The following ALG14 variants were observed in gnomAD, a reference collection of about 807,000 sequenced individuals.
ALG14 encodes the protein UDP-N-acetylglucosamine transferase subunit ALG14.
In ALG14, 17 loss-of-function variants were observed where a neutral mutation model predicts 22.8. The ratio of observed to expected loss-of-function variants is 0.75; its 90% CI spans 0.51 to 1.12. The LOEUF (loss-of-function observed/expected upper bound fraction) is 1.12, where lower values mean the gene tolerates loss of function less well. Among genes scored for constraint, ALG14 ranks in the 50% most tolerant of loss-of-function variants. The pLI is 0.00. For synonymous variants in ALG14, 89 were observed against 103.7 expected, an observed-to-expected ratio of 0.86 and a Z score of 0.86; for missense variants, 288 against 271.8, an observed-to-expected ratio of 1.06 and a Z score of -0.42.
intron 2 of ALG14, among the ~76,000 whole-genome samples, chr1:95,045,886 GA>G (rs1674533724): frequency 1.6e-5 from 1 of 64,232 alleles, no homozygotes; most frequent in Non-Finnish European, 4.4e-5. Context: ...CATAGTAATA[GA>G]ATTAATATAC....
intron 3 of ALG14, among the ~76,000 whole-genome samples, chr1:95,019,381 C>T (rs1157283023): frequency 6.6e-6 from 1 of 152,170 alleles, no homozygotes; most frequent in African/African-American, 2.4e-5. Flanking sequence ...GCTCTCTAAC[C>T]TGTTTCTGAT....
At chr1:95,059,711 G>A (rs564449854) in intron 2 of ALG14, among the ~76,000 whole-genome samples, 5 of 152,000 alleles carry the variant, frequency 3.3e-5, no homozygotes, top group Non-Finnish European at 7.4e-5. Context: ...TATTCTATAT[G>A]ATCCAAAATG....
At chr1:94,988,667 C>T (rs1465880029) in intron 3 of ALG14, among the ~76,000 whole-genome samples, 3 of 152,074 alleles carry the variant, frequency 2.0e-5, no homozygotes, top group Non-Finnish European at 2.9e-5. Flanking sequence ...AGGAAATGAC[C>T]ACATAGAAAA....
chr1:94,982,706 A>AC lies in ALG14; in HGVS notation c.*369_*370insG, dbSNP rs1472460760. ...ACAATGCAGAATACTTTACAAAAAA[A>AC]AAAAAAAAAAAAAAAAGCTGTAGGA... On this transcript the variant is annotated 3_prime_UTR_variant, in exon 4 of 4. Coordinates refer to ENST00000370205, the MANE Select transcript of ALG14 (RefSeq NM_144988.4). 1 of 155,322 alleles carries AC rather than the reference A, an allele frequency of 6.4e-6. No homozygotes were observed. The highest frequency in any genetic ancestry group is 1.9e-4 in the East Asian group (1 of 5,344). The allele number at this position is 155,322 out of a possible 1,614,324, so 9.6% of individuals were successfully genotyped here.
In ALG14 at chr1:95,025,474, G is replaced by C. The variant is rs117110738; in HGVS notation, c.420+1655C>G. Among the ~76,000 whole-genome samples the C allele has an allele frequency of 2.2e-3, 330 of 152,312 alleles. 3 individuals carry two copies. In the East Asian group the frequency reaches 0.041, roughly 19 times the overall value. On this transcript the variant is annotated intron_variant, in intron 3 of 3. Coordinates refer to ENST00000370205, the MANE Select transcript of ALG14 (RefSeq NM_144988.4). ...TCAACTTAAAGTCAACAGCTACACA[G>C]AATCAGCCTGTCCCTTGAAGCTTTG...
At chr1:95,068,200 G>GA (rs1170967549) in intron 1 of ALG14, among the ~76,000 whole-genome samples, 1 of 152,182 alleles carries the variant, frequency 6.6e-6, no homozygotes, top group Non-Finnish European at 1.5e-5. Flanking sequence ...ATGAAAGAAT[G>GA]AATGTTTGAT....
chr1:94,991,605 A>T (rs1459903601), intron 3 of ALG14, among the ~76,000 whole-genome samples: 1 of 152,200 alleles, frequency 6.6e-6, no homozygotes, highest in African/African-American at 2.4e-5. Flanking sequence ...TGAGTCAGTG[A>T]GTGGTGAGTG....
At chr1:95,022,835 G>A (rs915952326) in intron 3 of ALG14, among the ~76,000 whole-genome samples, 4 of 151,912 alleles carry the variant, frequency 2.6e-5, no homozygotes, top group Non-Finnish European at 2.9e-5. Flanking sequence ...AAAGTTTTTT[G>A]ATCACCACCA....
chr1:95,024,611 T>C (rs184652591), intron 3 of ALG14, among the ~76,000 whole-genome samples: 2 of 152,298 alleles, frequency 1.3e-5, no homozygotes, highest in African/African-American at 4.8e-5. Flanking sequence ...TGCATGACTT[T>C]TGTGGGATTT....
At chr1:95,036,888 A>C (rs1325498467) in intron 2 of ALG14, among the ~76,000 whole-genome samples, 1 of 152,174 alleles carries the variant, frequency 6.6e-6, no homozygotes, top group African/African-American at 2.4e-5. Context: ...AAGGAGGGCT[A>C]GCTGAGATCA....
intron 2 of ALG14, among the ~76,000 whole-genome samples, chr1:95,029,979 C>A (rs1203064366): frequency 1.3e-5 from 2 of 152,108 alleles, no homozygotes; most frequent in African/African-American, 4.8e-5. Flanking sequence ...AAACTATAAA[C>A]CACTCAGAAG....
At chr1:95,006,992 G>A (rs1008830692) in intron 3 of ALG14, among the ~76,000 whole-genome samples, 1 of 152,296 alleles carries the variant, frequency 6.6e-6, no homozygotes, top group Admixed American at 6.5e-5. Flanking sequence ...GTGGCTTCCA[G>A]AGCTGAAATA....
chr1:95,024,252 T>C (rs952959254), intron 3 of ALG14, among the ~76,000 whole-genome samples: 7 of 152,124 alleles, frequency 4.6e-5, no homozygotes, highest in African/African-American at 1.2e-4. Flanking sequence ...GCTGGGATTA[T>C]AGGCATGAGC....
In ALG14 at chr1:95,035,208, TTC is replaced by T. The variant is rs1320867264; in HGVS notation, c.289-7950_289-7949del. On this transcript the variant is annotated intron_variant, in intron 2 of 3. Coordinates refer to ENST00000370205, the MANE Select transcript of ALG14 (RefSeq NM_144988.4). ...TGTTTTGTTTTGTTTTCTCTCTTTC[TTC>T]TCTGTCTCTTTCTCTCTTCTTTCTT... Among the ~76,000 whole-genome samples the T allele has an allele frequency of 2.6e-5, 4 of 152,322 alleles. No homozygotes were observed. The East Asian group carries it at 7.7e-4, about 29-fold the overall frequency.
chr1:94,999,967 T>C (rs1333234888), intron 3 of ALG14, among the ~76,000 whole-genome samples: 1 of 142,026 alleles, frequency 7.0e-6, no homozygotes, highest in Non-Finnish European at 1.5e-5. Flanking sequence ...CCCCAACCCC[T>C]CCTGCTCCAT....
intron 2 of ALG14, among the ~76,000 whole-genome samples, chr1:95,062,605 C>T (rs550448741): frequency 2.6e-5 from 4 of 152,224 alleles, no homozygotes; most frequent in Admixed American, 6.5e-5. Context: ...TGGCTCCATC[C>T]ATATCCCTGC....
At chr1:95,033,367 G>C (rs1365839083) in intron 2 of ALG14, among the ~76,000 whole-genome samples, 1 of 150,136 alleles carries the variant, frequency 6.7e-6, no homozygotes, top group Non-Finnish European at 1.5e-5. Flanking sequence ...TCCATCCTAC[G>C]GGGGCTGAGA....
At chr1:95,045,965 GA>G (rs916716816) in intron 2 of ALG14, among the ~76,000 whole-genome samples, 1 of 117,766 alleles carries the variant, frequency 8.5e-6, no homozygotes, top group Non-Finnish European at 1.8e-5. Context: ...TATACTAATA[GA>G]ATAGTATACT....
rs1557934943 is a variant in ALG14, at chr1:94,980,707, G to A, written c.*2369C>T. On this transcript the variant is annotated 3_prime_UTR_variant, in exon 4 of 4. Transcript: ENST00000370205. The stretch of plus-strand genomic sequence containing the variant: ...GCAGAGCATGCACTTGTTTACCAGA[G>A]TAATCTGAATGATCAGGAAGATGCA... The A allele has an allele frequency of 2.6e-5, 4 of 152,222 alleles. No individual in the cohort carries two copies. The highest frequency in any genetic ancestry group is 2.6e-4 in the Admixed American group (4 of 15,292). The allele number at this position is 152,222 out of a possible 1,614,324, so 9.4% of individuals were successfully genotyped here.
Sources: allele counts gnomAD v4.1 joint callset (sites outside exome capture counted in the v4.1 genomes callset), GRCh38; gene constraint gnomAD v4.1.1; transcripts MANE v1.5; gene names NCBI Gene and HGNC (gene_info 2026-07-23, HGNC 2026-07-21).